Variants in CAMK1D observed in about 807,000 individuals in gnomAD.
CAMK1D encodes the protein calcium/calmodulin-dependent protein kinase type 1D.
CAMK1D carries 9 observed loss-of-function variants against 47.7 expected under a neutral mutation model. The observed-to-expected ratio is 0.19, with a 90% CI of 0.11 to 0.33. CAMK1D has a LOEUF of 0.33. CAMK1D is among the 10% of genes least tolerant of loss of function. The probability of loss-of-function intolerance (pLI) is 1.00; values close to 1 mark genes in which losing one functional copy is unlikely to be tolerated. For missense variants in CAMK1D, 291 were observed against 488.7 expected, an observed-to-expected ratio of 0.60 and a Z score of 3.81; for synonymous variants, 184 against 184.9, an observed-to-expected ratio of 0.99 and a Z score of 0.04.
chr10:12,399,789 T>C (rs79301221), intron 1 of CAMK1D, among the ~76,000 whole-genome samples: 1,687 of 152,314 alleles, frequency 0.011, 30 homozygotes, highest in African/African-American at 0.038. Context: ...TGTCTAGTGT[T>C]CCTAAGTGTG....
intron 3 of CAMK1D, among the ~76,000 whole-genome samples, chr10:12,704,717 C>A (rs1304788465): frequency 1.3e-5 from 2 of 152,120 alleles, no homozygotes. Flanking sequence ...TGGTGCATTG[C>A]AATCTGCGAT....
intron 1 of CAMK1D, among the ~76,000 whole-genome samples, chr10:12,546,135 A>G (rs935716306): frequency 1.3e-5 from 2 of 152,240 alleles, no homozygotes; most frequent in African/African-American, 2.4e-5. Context: ...AAGTAGGGTA[A>G]TGACATAATC....
chr10:12,568,152 GTTT>G (rs1837189165), intron 2 of CAMK1D, among the ~76,000 whole-genome samples: 1 of 41,992 alleles, frequency 2.4e-5, no homozygotes, highest in African/African-American at 1.3e-4. Flanking sequence ...CTCTCTCCCT[GTTT>G]CCTTCCCTCC....
chr10:12,680,210 G>A (rs2132604580), intron 3 of CAMK1D, among the ~76,000 whole-genome samples: 1 of 152,306 alleles, frequency 6.6e-6, no homozygotes. Flanking sequence ...GGGAGATCTT[G>A]CAGAGTTTAT....
intron 1 of CAMK1D, among the ~76,000 whole-genome samples, chr10:12,374,725 CA>C (rs1838122388): frequency 1.3e-5 from 2 of 151,930 alleles, no homozygotes; most frequent in Non-Finnish European, 2.9e-5. Flanking sequence ...GGTGGGATCA[CA>C]AGGTCAGGAG....
intron 1 of CAMK1D, among the ~76,000 whole-genome samples, chr10:12,376,019 C>T (rs746363984): frequency 5.3e-5 from 8 of 151,592 alleles, no homozygotes; most frequent in Non-Finnish European, 8.8e-5. Context: ...AAAAATCAGC[C>T]AGGTGTGGTG....
chr10:12,828,137 A>G (rs765760186), intron 10 of CAMK1D, among the ~76,000 whole-genome samples: 5 of 152,240 alleles, frequency 3.3e-5, no homozygotes, highest in Non-Finnish European at 7.3e-5. Context: ...GACAGTATGT[A>G]GTCAACACTA....
chr10:12,781,519 TA>T (rs1253935727), intron 5 of CAMK1D, among the ~76,000 whole-genome samples: 1 of 146,494 alleles, frequency 6.8e-6, no homozygotes, highest in Non-Finnish European at 1.5e-5. Context: ...TGGGAGCATT[TA>T]AACAGCAGTC....
intron 3 of CAMK1D, among the ~76,000 whole-genome samples, chr10:12,671,484 C>T (rs1366884155): frequency 3.3e-5 from 5 of 151,882 alleles, no homozygotes; most frequent in Admixed American, 6.6e-5. Flanking sequence ...GTCTTTTTGA[C>T]GATAGCCATC....
intron 1 of CAMK1D, among the ~76,000 whole-genome samples, chr10:12,544,336 T>C (rs1836291387): frequency 6.6e-6 from 1 of 152,264 alleles, no homozygotes; most frequent in Non-Finnish European, 1.5e-5. Flanking sequence ...TTTGAAACAC[T>C]GGAATTTTTA....
In CAMK1D at chr10:12,824,467, T is replaced by C; in HGVS notation, c.836T>C (p.Ile279Thr). The C allele has an allele frequency of 6.2e-7, 1 of 1,613,934 alleles. No homozygotes were observed. Among genetic ancestry groups the C allele is most frequent in the African/African-American group, 1.3e-5 (1 of 75,006 alleles). ...CAGCACCTTTGCCTCTGTTTCAGGA[T>C]CGCTGGTGACACAGCCCTCAACAAA... is the stretch of plus-strand genomic sequence containing the variant. ...TCEQAARHPWIAGDTALNKNI... is the reference protein window; with the variant it reads ...TCEQAARHPWTAGDTALNKNI... The change falls in exon 9 of 11, where the codon ATC becomes ACC. Residue 279 changes from isoleucine (I) to threonine (T), a missense_variant and splice_region_variant. Ile to Thr is a moderately conservative substitution (Grantham distance 89). Coordinates refer to ENST00000619168, the MANE Select transcript of CAMK1D (RefSeq NM_153498.4).
At chr10:12,731,806 G>A (rs921824532) in intron 3 of CAMK1D, among the ~76,000 whole-genome samples, 1 of 152,216 alleles carries the variant, frequency 6.6e-6, no homozygotes, top group African/African-American at 2.4e-5. Context: ...TGGAAAGATT[G>A]AAGGTGGAGA....
At chr10:12,799,823 ATT>A (rs1838352227) in intron 6 of CAMK1D, among the ~76,000 whole-genome samples, 1 of 151,632 alleles carries the variant, frequency 6.6e-6, no homozygotes, top group Non-Finnish European at 1.5e-5. Flanking sequence ...CAAAATGTGG[ATT>A]TTGCTGCTCA....
rs191254749 is a variant in CAMK1D, at chr10:12,627,469, A to G, written c.225-39267A>G. ...TTTTTGGACTGTTATATACTTGCAG[A>G]TAATCATTACCCCAGTCAAGGTATA... On this transcript the variant is annotated intron_variant, in intron 2 of 10. Transcript: ENST00000619168. 2.1e-3 allele frequency among the ~76,000 whole-genome samples: 323 copies of G among 152,302 alleles called. 2 individuals are homozygous for G. Among genetic ancestry groups the G allele is most frequent in the Non-Finnish European group, 2.4e-3 (162 of 68,028 alleles).
intron 1 of CAMK1D, among the ~76,000 whole-genome samples, chr10:12,536,514 G>A (rs1376302941): frequency 1.3e-5 from 2 of 152,262 alleles, no homozygotes; most frequent in East Asian, 3.9e-4. Flanking sequence ...CCTGAGCTCA[G>A]GTGATCCACA....
chr10:12,691,399 ATATAAATATATATATATATATATTTT>A (rs1564495587), intron 3 of CAMK1D, among the ~76,000 whole-genome samples: 21 of 7,150 alleles, frequency 2.9e-3, no homozygotes, highest in African/African-American at 0.01. Flanking sequence ...ATATATATAT[ATATAAATATATATATATATATATTTT>A]TTTTTTTTTT....
intron 3 of CAMK1D, among the ~76,000 whole-genome samples, chr10:12,759,571 G>A (rs1035431848): frequency 2.0e-5 from 3 of 152,102 alleles, no homozygotes; most frequent in African/African-American, 7.2e-5. Context: ...GAGACAACAC[G>A]GTCATCAAAA....
At chr10:12,393,100 C>T (rs1564310912) in intron 1 of CAMK1D, among the ~76,000 whole-genome samples, 1 of 150,940 alleles carries the variant, frequency 6.6e-6, no homozygotes, top group African/African-American at 2.4e-5. Flanking sequence ...GGTGCAATCT[C>T]TGCTCACTCC....
chr10:12,692,695 C>A (rs1832976159), intron 3 of CAMK1D, among the ~76,000 whole-genome samples: 1 of 152,092 alleles, frequency 6.6e-6, no homozygotes, highest in Non-Finnish European at 1.5e-5. Context: ...ACCAAGTGTT[C>A]CTTTTTATTT....
Sources: allele counts gnomAD v4.1 joint callset (sites outside exome capture counted in the v4.1 genomes callset), GRCh38; gene constraint gnomAD v4.1.1; transcripts MANE v1.5; gene names NCBI Gene and HGNC (gene_info 2026-07-23, HGNC 2026-07-21).